AACS: variants seen among roughly 807,000 people sequenced by gnomAD.
The protein encoded by AACS is acetoacetyl-CoA synthetase, also known as acetoacetate-CoA ligase.
AACS carries 69 observed loss-of-function variants against 83.1 expected under a neutral mutation model. That is an observed-to-expected ratio of 0.83 (90% CI 0.68 to 1.01). The LOEUF (loss-of-function observed/expected upper bound fraction) is 1.01, where lower values mean the gene tolerates loss of function less well. Ranked by LOEUF, AACS falls within the 50% of genes least tolerant of loss-of-function variation. The pLI, the probability that AACS is intolerant of heterozygous loss-of-function variation, is 0.00. For missense variants in AACS, 866 were observed against 882.2 expected, an observed-to-expected ratio of 0.98 and a Z score of 0.23; for synonymous variants, 333 against 343.4, an observed-to-expected ratio of 0.97 and a Z score of 0.33.
chr12:125,109,270 T>C (rs1264295515), intron 8 of AACS, among the ~76,000 whole-genome samples: 1 of 152,132 alleles, frequency 6.6e-6, no homozygotes, highest in African/African-American at 2.4e-5. Context: ...TACCTTGGAC[T>C]ACAGGCACGT....
chr12:125,122,881 C>T (rs1046952755), intron 10 of AACS: 4 of 152,184 alleles, frequency 2.6e-5, no homozygotes, highest in Non-Finnish European at 4.4e-5. Flanking sequence ...GTGCAGCGAC[C>T]CCTACAGTAC....
At chr12:125,066,125 C>A (rs1594557426) in intron 1 of AACS, among the ~76,000 whole-genome samples, 1 of 152,156 alleles carries the variant, frequency 6.6e-6, no homozygotes, top group East Asian at 1.9e-4. Context: ...GTGGGGGTCC[C>A]TTGCCAGTCC....
chr12:125,113,855 T>C lies in AACS; in HGVS notation c.916-622T>C, dbSNP rs1268028524. 6.6e-6 allele frequency among the ~76,000 whole-genome samples: 1 copy of C among 152,126 alleles called. No homozygotes were observed. The highest frequency in any genetic ancestry group is 1.5e-5 in the Non-Finnish European group (1 of 68,026). Reference sequence around the variant, plus strand: ...CAGAGTTCTGGACCGTGCAAATACATTGCCTATTAAGCACCAAAATTAAAA... The same window carrying C: ...CAGAGTTCTGGACCGTGCAAATACACTGCCTATTAAGCACCAAAATTAAAA... On this transcript the variant is annotated intron_variant, in intron 8 of 17. Coordinates refer to ENST00000316519, the MANE Select transcript of AACS (RefSeq NM_023928.5). The surrounding 1 kb of genome is among the most constrained non-coding windows in gnomAD (Gnocchi z 4.8).
At chr12:125,089,754 C>T (rs1020769374) in intron 4 of AACS, among the ~76,000 whole-genome samples, 14 of 151,022 alleles carry the variant, frequency 9.3e-5, no homozygotes, top group African/African-American at 3.2e-4. Flanking sequence ...CCCATCCATC[C>T]GTCATCCATC....
chr12:125,138,189 G>A (rs916882407), intron 17 of AACS: 1 of 151,428 alleles, frequency 6.6e-6, no homozygotes, highest in South Asian at 2.1e-4. Context: ...ACTCCCACTC[G>A]GGACCCCTGT....
At chr12:125,128,061 A>C in intron 12 of AACS, 100 bp from the exon 13 acceptor site, 1 of 772,306 alleles carries the variant, frequency 1.3e-6, no homozygotes, top group East Asian at 2.8e-5. Context: ...GGGAGAGTAG[A>C]TATTTGTCCT....
chr12:125,088,685 T>C (rs1291546973), intron 4 of AACS, among the ~76,000 whole-genome samples: 1 of 152,228 alleles, frequency 6.6e-6, no homozygotes, highest in Non-Finnish European at 1.5e-5. Context: ...AAAAATCTTT[T>C]GAAGCAAACG....
Position 125,143,145 on chromosome 12 carries a change from T to C in AACS, c.*916T>C, listed in dbSNP as rs569511312. The C allele has an allele frequency of 6.6e-6, 1 of 152,378 alleles. No homozygotes were observed. Among genetic ancestry groups the C allele is most frequent in the South Asian group, 2.1e-4 (1 of 4,826 alleles). The allele number at this position is 152,378 out of a possible 1,614,324, so 9.4% of individuals were successfully genotyped here. A position where few individuals can be genotyped will look rare whatever the true frequency, so the allele number is the denominator to read the frequency against. ...ATAGCCAGGCAGTTGGTATGTACAA[T>C]TCAGTTCAGCGTATGAACTTGTATC... is the stretch of plus-strand genomic sequence containing the variant. On this transcript the variant is annotated 3_prime_UTR_variant, in exon 18 of 18. Transcript: ENST00000316519.
intron 4 of AACS, among the ~76,000 whole-genome samples, chr12:125,087,846 T>G (rs754197528): frequency 6.6e-6 from 1 of 152,212 alleles, no homozygotes; most frequent in Non-Finnish European, 1.5e-5. Context: ...CAGCGTTTGG[T>G]AGCTGACTAG....
intron 3 of AACS, 134 bp from the exon 4 acceptor site, chr12:125,086,196 T>TC (rs1956335336): frequency 4.2e-6 from 3 of 706,056 alleles, no homozygotes; most frequent in Non-Finnish European, 7.2e-6. Context: ...TTGCTTGTGT[T>TC]CCCTGCGTCT....
At chr12:125,118,377 C>G in intron 9 of AACS, 1 of 443,374 alleles carries the variant, frequency 2.3e-6, no homozygotes. Flanking sequence ...GTCGATAACA[C>G]CTACATTGCT....
At chr12:125,112,181 A>G (rs1203855377) in intron 8 of AACS, among the ~76,000 whole-genome samples, 2 of 152,108 alleles carry the variant, frequency 1.3e-5, no homozygotes, top group Non-Finnish European at 2.9e-5. Context: ...TTGCCTACCC[A>G]CTGTGCAGGA....
chr12:125,087,339 A>T (rs1207116504), intron 4 of AACS, among the ~76,000 whole-genome samples: 3 of 152,214 alleles, frequency 2.0e-5, no homozygotes, highest in African/African-American at 7.2e-5. Context: ...CCCACGAAGA[A>T]CTGCTTAGGT....
intron 10 of AACS, 77 bp downstream of exon 10, chr12:125,118,842 G>A: frequency 1.9e-6 from 3 of 1,568,106 alleles, no homozygotes; most frequent in Middle Eastern, 2.0e-4. Context: ...ATGCAGAGCT[G>A]TGCCTGCCTT....
At chr12:125,078,665 C>CA (rs1389938305) in intron 3 of AACS, among the ~76,000 whole-genome samples, 2 of 151,826 alleles carry the variant, frequency 1.3e-5, no homozygotes, top group African/African-American at 2.4e-5. Context: ...ACTAAAAATA[C>CA]AAAAAATTAG....
chr12:125,093,697 C>T (rs1338959632), intron 5 of AACS, among the ~76,000 whole-genome samples: 1 of 152,196 alleles, frequency 6.6e-6, no homozygotes, highest in Non-Finnish European at 1.5e-5. Flanking sequence ...GTCCCAGGCC[C>T]TGCGGCTACG....
intron 8 of AACS, among the ~76,000 whole-genome samples, chr12:125,107,838 C>T (rs569450850): frequency 6.6e-6 from 1 of 152,266 alleles, no homozygotes; most frequent in East Asian, 1.9e-4. Context: ...TGGCACATGC[C>T]TGTAGTCTGA....
At chr12:125,077,489 G>A (rs1197335759) in intron 3 of AACS, among the ~76,000 whole-genome samples, 8 of 146,624 alleles carry the variant, frequency 5.5e-5, no homozygotes, top group African/African-American at 1.8e-4. Flanking sequence ...CAGGCTGGGC[G>A]ACAGAGTGAG....
In AACS at chr12:125,086,343, G is replaced by A; in HGVS notation, c.372G>A (p.Glu124=). Residue 124 remains glutamate, a synonymous_variant, in exon 4 of 18, where the codon GAG becomes GAA. Transcript: ENST00000316519. ...TTCTCTTCCCAGGGGAAGGCAAAGA[G>A]GAAATTGTGAAGGTGACTTTTGAAG... ...VALYIAREGK[E]EIVKVTFEEL... 1 of 1,614,162 alleles carries A rather than the reference G, an allele frequency of 6.2e-7. No homozygotes were observed. Among genetic ancestry groups the A allele is most frequent in the Non-Finnish European group, 8.5e-7 (1 of 1,180,024 alleles).
Sources: gnomAD v4.1 joint callset for allele counts (sites outside exome capture counted in the v4.1 genomes callset) on GRCh38, gnomAD v4.1.1 for gene constraint, Gnocchi (gnomAD v3.1) non-coding constraint, MANE v1.5 for transcripts, NCBI Gene and HGNC (gene_info 2026-07-23, HGNC 2026-07-21) for gene names.